Variants in CPXM2 observed in about 807,000 individuals in gnomAD.
The protein encoded by CPXM2 is inactive carboxypeptidase-like protein X2.
Under a neutral mutation model 86.1 loss-of-function variants are expected in CPXM2, and 66 were observed. That is an observed-to-expected ratio of 0.77 (90% CI 0.63 to 0.94). The LOEUF is 0.94. CPXM2 is among the 40% of genes least tolerant of loss of function. The probability of loss-of-function intolerance (pLI) is 0.00; values close to 1 mark genes in which losing one functional copy is unlikely to be tolerated. For missense variants in CPXM2, 948 were observed against 1,026.3 expected (o/e 0.92, Z 1.04); for synonymous variants, 388 against 400.2 (o/e 0.97, Z 0.36).
intron 3 of CPXM2, among the ~76,000 whole-genome samples, chr10:123,849,565 C>G (rs893784316): frequency 4.6e-5 from 7 of 151,890 alleles, no homozygotes; most frequent in Admixed American, 3.9e-4. Context: ...AGGCACCTGC[C>G]ACCACATCTG....
intron 2 of CPXM2, among the ~76,000 whole-genome samples, chr10:123,923,335 C>T (rs1945592119): frequency 6.6e-6 from 1 of 152,004 alleles, no homozygotes; most frequent in South Asian, 2.1e-4. Context: ...AATCCCAGCA[C>T]TTTGGGAGGC....
intron 2 of CPXM2, among the ~76,000 whole-genome samples, chr10:123,933,689 GC>G (rs1287418541): frequency 3.3e-5 from 5 of 152,122 alleles, no homozygotes; most frequent in African/African-American, 1.2e-4. Flanking sequence ...CTGCACTCCA[GC>G]CTGGGCAACA....
At chr10:123,904,821 C>T (rs980771045) in intron 2 of CPXM2, among the ~76,000 whole-genome samples, 3 of 74,088 alleles carry the variant, frequency 4.0e-5, no homozygotes, top group Non-Finnish European at 5.9e-5. Flanking sequence ...TCTACCACTT[C>T]CTTCTAGTTA....
At chr10:123,941,420 T>C (rs1204121933), upstream of CPXM2, among the ~76,000 whole-genome samples, 1 of 152,174 alleles carries the variant, frequency 6.6e-6, no homozygotes, top group Non-Finnish European at 1.5e-5. Flanking sequence ...CCTGTGTCTG[T>C]CTCTGTATCT....
intron 4 of CPXM2, among the ~76,000 whole-genome samples, chr10:123,829,112 TA>T (rs998506104): frequency 5.3e-5 from 8 of 152,076 alleles, no homozygotes; most frequent in African/African-American, 1.9e-4. Context: ...AATAAGCACA[TA>T]AAAACACATT....
At chr10:123,862,188 A>C (rs1430999702) in intron 3 of CPXM2, among the ~76,000 whole-genome samples, 1 of 152,220 alleles carries the variant, frequency 6.6e-6, no homozygotes, top group Non-Finnish European at 1.5e-5. Context: ...AGGGAGCCAC[A>C]GGAAAGCCTG....
chr10:123,938,130 C>G (rs1357696500), intron 2 of CPXM2, among the ~76,000 whole-genome samples: 2 of 152,146 alleles, frequency 1.3e-5, no homozygotes, highest in African/African-American at 4.8e-5. Flanking sequence ...CTCCCTTTCT[C>G]TCAGTGGTCA....
intron 4 of CPXM2, among the ~76,000 whole-genome samples, chr10:123,838,626 T>G (rs1477714746): frequency 2.0e-5 from 3 of 152,154 alleles, no homozygotes; most frequent in African/African-American, 7.2e-5. Context: ...GGCTGGCAAG[T>G]TCCTCCCTTT....
intron 4 of CPXM2, among the ~76,000 whole-genome samples, chr10:123,833,411 C>A (rs935086139): frequency 1.3e-5 from 2 of 152,220 alleles, no homozygotes; most frequent in African/African-American, 4.8e-5. Flanking sequence ...TTAGCTGCAA[C>A]ATAATTCAGT....
At chr10:123,782,645 C>T (rs572289607) in intron 6 of CPXM2, among the ~76,000 whole-genome samples, 8 of 152,258 alleles carry the variant, frequency 5.3e-5, no homozygotes, top group African/African-American at 1.7e-4. Flanking sequence ...GAGTGAGGAC[C>T]GAGCCCAGAG....
At chr10:123,774,999 G>C (rs1846747483) in intron 7 of CPXM2, among the ~76,000 whole-genome samples, 1 of 152,178 alleles carries the variant, frequency 6.6e-6, no homozygotes, top group Non-Finnish European at 1.5e-5. Context: ...GTAAAGTAGA[G>C]AAGGCAGAGG....
At chr10:123,847,248 G>A (rs893310428) in intron 3 of CPXM2, among the ~76,000 whole-genome samples, 1 of 152,212 alleles carries the variant, frequency 6.6e-6, no homozygotes, top group African/African-American at 2.4e-5. Context: ...TTTCAGGCCA[G>A]GTGCGGTGGC....
chr10:123,748,792 A>C (rs914834217), intron 13 of CPXM2, among the ~76,000 whole-genome samples: 1 of 152,086 alleles, frequency 6.6e-6, no homozygotes, highest in South Asian at 2.1e-4. Context: ...TTGTCTTTGG[A>C]GATCTCCCTC....
intron 11 of CPXM2, among the ~76,000 whole-genome samples, chr10:123,758,021 G>A (rs1211963562): frequency 1.3e-5 from 2 of 152,160 alleles, no homozygotes; most frequent in Non-Finnish European, 2.9e-5. Context: ...AGGTCTGCAT[G>A]CCCTTGCCCA....
At chr10:123,923,979 G>GA (rs568381638) in intron 2 of CPXM2, among the ~76,000 whole-genome samples, 9 of 152,306 alleles carry the variant, frequency 5.9e-5, no homozygotes, top group African/African-American at 1.7e-4. Context: ...TCAGCAGTGT[G>GA]AAAACAGACT....
At chr10:123,750,518 C>T in intron 13 of CPXM2, 1 of 985,374 alleles carries the variant, frequency 1.0e-6, no homozygotes, top group Non-Finnish European at 1.2e-6. Context: ...GGCTTTCCCA[C>T]CTATTTGTAA....
At chr10:123,869,045 A>G (rs1944846862) in intron 2 of CPXM2, among the ~76,000 whole-genome samples, 1 of 152,240 alleles carries the variant, frequency 6.6e-6, no homozygotes, top group Non-Finnish European at 1.5e-5. Context: ...ATAGGTGACT[A>G]AGAAAAACGG....
chr10:123,763,974 T>C (rs186664580), intron 10 of CPXM2, among the ~76,000 whole-genome samples: 452 of 152,298 alleles, frequency 3.0e-3, no homozygotes, highest in Non-Finnish European at 5.0e-3. Context: ...CCATATTCCC[T>C]CCCACACTGG....
intron 2 of CPXM2, among the ~76,000 whole-genome samples, chr10:123,921,314 T>G (rs1376012209): frequency 2.0e-5 from 3 of 152,202 alleles, no homozygotes; most frequent in South Asian, 2.1e-4. Flanking sequence ...AAGTTCAAAA[T>G]TATTAGACAT....
Sources: allele counts gnomAD v4.1 joint callset (sites outside exome capture counted in the v4.1 genomes callset), GRCh38; gene constraint gnomAD v4.1.1; transcripts MANE v1.5; gene names NCBI Gene and HGNC (gene_info 2026-07-23, HGNC 2026-07-21).